Variants in MALRD1 observed in about 807,000 individuals in gnomAD.
MALRD1 encodes the protein MAM and LDL-receptor class A domain-containing protein 1.
Under a neutral mutation model 242.1 loss-of-function variants are expected in MALRD1, and 247 were observed. That is an observed-to-expected ratio of 1.02 (90% CI 0.92 to 1.13). The LOEUF is 1.13. Among genes scored for constraint, MALRD1 ranks in the 50% most tolerant of loss-of-function variants. The pLI is 0.00. For missense variants in MALRD1, 2,989 were observed against 2,533.1 expected (o/e 1.18, Z -3.86); for synonymous variants, 995 against 866.6 (o/e 1.15, Z -2.60).
intron 11 of MALRD1, among the ~76,000 whole-genome samples, chr10:19,148,786 A>ATATATAT (rs1220802758): frequency 2.2e-3 from 148 of 68,154 alleles, no homozygotes; most frequent in African/African-American, 3.2e-3. Context: ...AAAAAAAAAA[A>ATATATAT]AAATATATAT....
chr10:19,595,486 A>G (rs1838047049), intron 34 of MALRD1, 29 bp downstream of exon 34: 1 of 1,534,276 alleles, frequency 6.5e-7, no homozygotes, highest in Non-Finnish European at 8.8e-7. Context: ...CTCAATGTGT[A>G]AGGGAAGGCA....
chr10:19,299,178 G>A (rs1399481856), intron 21 of MALRD1, among the ~76,000 whole-genome samples: 1 of 151,788 alleles, frequency 6.6e-6, no homozygotes, highest in African/African-American at 2.4e-5. Flanking sequence ...AATATTGATG[G>A]ACTTATAATA....
intron 28 of MALRD1, among the ~76,000 whole-genome samples, chr10:19,398,653 T>C (rs141777315): frequency 1.3e-5 from 2 of 152,316 alleles, no homozygotes; most frequent in East Asian, 3.9e-4. Flanking sequence ...ATGTTATAAC[T>C]CTCTTGAAAA....
In MALRD1 at chr10:19,111,146, A is replaced by G. The variant is rs914649770; in HGVS notation, c.694+7071A>G. Among the ~76,000 whole-genome samples, 7 of 104,808 alleles carry G rather than the reference A, an allele frequency of 6.7e-5. No individual in the cohort carries two copies. In the East Asian group the frequency reaches 1.2e-3, roughly 17 times the overall value. 68.8% of individuals were successfully genotyped at this position (104,808 alleles called of 152,430 possible). A position where few individuals can be genotyped will look rare whatever the true frequency, so the allele number is the denominator to read the frequency against. On this transcript the variant is annotated intron_variant, in intron 5 of 39. Coordinates refer to ENST00000454679, the MANE Select transcript of MALRD1 (RefSeq NM_001142308.3). ...GGGACAAAGACCAAGTAGATGGGCC[A>G]TCATATATATTCAGAAGACAAATGT...
intron 5 of MALRD1, among the ~76,000 whole-genome samples, chr10:19,115,935 A>T (rs1231992086): frequency 6.6e-6 from 1 of 152,220 alleles, no homozygotes; most frequent in Non-Finnish European, 1.5e-5. Context: ...ACTGCTTAGT[A>T]TTAGGTATTT....
intron 1 of MALRD1, 132 bp from the exon 2 acceptor site, chr10:19,066,587 C>A: frequency 1.5e-6 from 1 of 683,654 alleles, no homozygotes; most frequent in Non-Finnish European, 2.0e-6. Context: ...ATAAAGTAGA[C>A]TTAGACTTAT....
At chr10:19,495,816 G>A (rs567823448) in intron 30 of MALRD1, among the ~76,000 whole-genome samples, 59 of 152,284 alleles carry the variant, frequency 3.9e-4, no homozygotes, top group African/African-American at 1.4e-3. Context: ...GTGGTTGGCT[G>A]TCTTCAAGAG....
intron 14 of MALRD1, among the ~76,000 whole-genome samples, chr10:19,193,656 T>C (rs1019315683): frequency 1.3e-5 from 2 of 152,208 alleles, no homozygotes; most frequent in Non-Finnish European, 2.9e-5. Context: ...TGAGTAGCGT[T>C]AATATAAATA....
chr10:19,471,165 C>T (rs1836471702), intron 29 of MALRD1, among the ~76,000 whole-genome samples: 1 of 151,774 alleles, frequency 6.6e-6, no homozygotes, highest in Non-Finnish European at 1.5e-5. Context: ...TCAGTTTTCC[C>T]AGTACCATTT....
intron 32 of MALRD1, among the ~76,000 whole-genome samples, chr10:19,546,078 GTTCAGTA>G (rs1006707240): frequency 3.9e-5 from 6 of 151,970 alleles, no homozygotes; most frequent in Non-Finnish European, 8.8e-5. Flanking sequence ...TTCCCATGGT[GTTCAGTA>G]TTCTGTTTAA....
intron 4 of MALRD1, among the ~76,000 whole-genome samples, chr10:19,088,532 C>CT (rs1835756391): frequency 1.3e-5 from 1 of 75,972 alleles, no homozygotes; most frequent in African/African-American, 6.9e-5. Flanking sequence ...CTTCCTCTTT[C>CT]TTTCTTTTTT....
At chr10:19,682,844 A>G (rs1425472006) in intron 36 of MALRD1, among the ~76,000 whole-genome samples, 2 of 152,210 alleles carry the variant, frequency 1.3e-5, no homozygotes, top group Non-Finnish European at 1.5e-5. Context: ...GAAGAGCAGT[A>G]CTTTCTCCCG....
chr10:19,174,101 C>G (rs1008527633), intron 13 of MALRD1, among the ~76,000 whole-genome samples: 1 of 152,074 alleles, frequency 6.6e-6, no homozygotes, highest in Non-Finnish European at 1.5e-5. Flanking sequence ...TGAAGAAATA[C>G]AAATGGACAG....
intron 28 of MALRD1, among the ~76,000 whole-genome samples, chr10:19,409,956 A>G (rs10740892): frequency 0.62 from 94,709 of 151,910 alleles, 30,003 homozygotes; most frequent in Non-Finnish European, 0.68. Flanking sequence ...TTTGATACAT[A>G]TAATATGTGG....
intron 36 of MALRD1, among the ~76,000 whole-genome samples, chr10:19,647,269 C>A (rs1214595616): frequency 2.0e-5 from 3 of 152,166 alleles, no homozygotes; most frequent in Non-Finnish European, 2.9e-5. Flanking sequence ...TTTCCAAACT[C>A]ATTGAATCTA....
chr10:19,673,311 C>T (rs1040291895), intron 36 of MALRD1, among the ~76,000 whole-genome samples: 3 of 152,106 alleles, frequency 2.0e-5, no homozygotes, highest in Non-Finnish European at 2.9e-5. Context: ...GGGGTAAACC[C>T]GGGAGGTAGA....
chr10:19,430,594 T>A (rs1564333210), intron 28 of MALRD1, among the ~76,000 whole-genome samples: 1 of 152,202 alleles, frequency 6.6e-6, no homozygotes, highest in Non-Finnish European at 1.5e-5. Flanking sequence ...CACACAAGTA[T>A]AATCATTACA....
intron 31 of MALRD1, among the ~76,000 whole-genome samples, chr10:19,527,222 T>G (rs2131335032): frequency 6.6e-6 from 1 of 152,284 alleles, no homozygotes; most frequent in Middle Eastern, 3.4e-3. Flanking sequence ...TGTTGTGACT[T>G]GAGTTACTTC....
chr10:19,113,214 C>A lies in MALRD1; in HGVS notation c.694+9139C>A, dbSNP rs74120727. Among the ~76,000 whole-genome samples, 945 of 152,234 alleles carry A rather than the reference C, an allele frequency of 6.2e-3. 5 individuals carry two copies. Among genetic ancestry groups the A allele is most frequent in the African/African-American group, 0.021 (878 of 41,548 alleles). On this transcript the variant is annotated intron_variant, in intron 5 of 39. Coordinates refer to ENST00000454679, the MANE Select transcript of MALRD1 (RefSeq NM_001142308.3). ...ACTTCTCATAAATCCATCAATAAGT[C>A]TTACTGCCTCCAGGACAGAATTCAA...
Sources: allele counts gnomAD v4.1 joint callset (sites outside exome capture counted in the v4.1 genomes callset), GRCh38; gene constraint gnomAD v4.1.1; transcripts MANE v1.5; gene names NCBI Gene and HGNC (gene_info 2026-07-23, HGNC 2026-07-21).